NCBP1: variants seen among roughly 807,000 people sequenced by gnomAD.
NCBP1 encodes nuclear cap binding protein subunit 1, also known as nuclear cap-binding protein subunit 1.
NCBP1 carries 16 observed loss-of-function variants against 111.7 expected under a neutral mutation model. The observed-to-expected ratio is 0.14, with a 90% CI of 0.10 to 0.22. The LOEUF is 0.22. Among genes scored for constraint, NCBP1 ranks in the 10% least tolerant of loss-of-function variants. NCBP1 has a pLI of 1.00. For synonymous variants in NCBP1, 304 were observed against 314.3 expected (o/e 0.97, Z 0.35); for missense variants, 607 against 957.5 (o/e 0.63, Z 4.83).
chr9:97,657,926 A>ATTTT (rs57402675), intron 14 of NCBP1, among the ~76,000 whole-genome samples: 1 of 91,400 alleles, frequency 1.1e-5, no homozygotes, highest in African/African-American at 4.0e-5. Context: ...ATATATATAT[A>ATTTT]TTTTTTTTTT....
At chr9:97,664,788 T>C (rs1052181204) in intron 19 of NCBP1, among the ~76,000 whole-genome samples, 1 of 152,120 alleles carries the variant, frequency 6.6e-6, no homozygotes, top group South Asian at 2.1e-4. Context: ...GGGTTCCAGC[T>C]TCAGTGGGGA....
chr9:97,642,518 A>T (rs759716517), intron 3 of NCBP1, among the ~76,000 whole-genome samples: 1 of 152,130 alleles, frequency 6.6e-6, no homozygotes, highest in Non-Finnish European at 1.5e-5. Flanking sequence ...TGCCTAAATT[A>T]GGAAAAATTG....
chr9:97,634,137 A>G (rs748786758), intron 1 of NCBP1, among the ~76,000 whole-genome samples: 16 of 152,256 alleles, frequency 1.1e-4, no homozygotes, highest in Non-Finnish European at 2.1e-4. Context: ...TCCTCGGGAA[A>G]GAAGGCCTGG....
chr9:97,654,270 C>T (rs1212713614), intron 11 of NCBP1, among the ~76,000 whole-genome samples: 5 of 152,162 alleles, frequency 3.3e-5, no homozygotes, highest in Non-Finnish European at 7.4e-5. Flanking sequence ...TTCCCAAACC[C>T]TGCCACTGCT....
chr9:97,650,025 G>A (rs1827457015), intron 8 of NCBP1, among the ~76,000 whole-genome samples: 1 of 152,096 alleles, frequency 6.6e-6, no homozygotes, highest in Admixed American at 6.6e-5. Context: ...TGTTTGCTAT[G>A]AATATACTTA....
Position 97,668,826 on chromosome 9 carries a change from T to C in NCBP1, c.2017-20T>C, listed in dbSNP as rs200657867. 213 of 1,606,674 alleles carry C rather than the reference T, an allele frequency of 1.3e-4. No individual in the cohort carries two copies. In the African/African-American group the frequency reaches 2.6e-3, roughly 20 times the overall value. ...TGGAATCTAAATGGTATTTTCCTTT[T>C]GTTCATTTGCCTTCTATAGCGAAGT... On this transcript the variant is annotated intron_variant, in intron 20 of 22. Coordinates refer to ENST00000375147, the MANE Select transcript of NCBP1 (RefSeq NM_002486.5).
intron 11 of NCBP1, among the ~76,000 whole-genome samples, chr9:97,654,419 T>C (rs1827587013): frequency 6.6e-6 from 1 of 152,196 alleles, no homozygotes; most frequent in Admixed American, 6.5e-5. Context: ...AGTTTTATTA[T>C]GGGATTGCAG....
At chr9:97,647,824 AACAG>A (rs1461171988) in intron 7 of NCBP1, among the ~76,000 whole-genome samples, 180 bp from the exon 8 acceptor site, 1 of 152,258 alleles carries the variant, frequency 6.6e-6, no homozygotes, top group African/African-American at 2.4e-5. Context: ...AAAATGTCAA[AACAG>A]ACAGTTCCAA....
Position 97,668,843 on chromosome 9 carries a change from T to A in NCBP1, c.2017-3T>A. 6.2e-7 allele frequency: 1 copy of A among 1,610,232 alleles called. No homozygotes were observed. ...TTTCCTTTTGTTCATTTGCCTTCTATAGCGAAGTGATGATGACGACAGAAG... is the reference window on the plus strand; with the variant it reads ...TTTCCTTTTGTTCATTTGCCTTCTAAAGCGAAGTGATGATGACGACAGAAG... On this transcript the variant is annotated splice_region_variant and splice_polypyrimidine_tract_variant and intron_variant, in intron 20 of 22. Transcript: ENST00000375147.
rs1827819485 is a variant in NCBP1 at position 97,661,019 on chromosome 9, C to T, written c.1551C>T (p.Ile517=). 1 of 1,612,682 alleles carries T rather than the reference C, an allele frequency of 6.2e-7. No homozygotes were observed. The highest frequency in any genetic ancestry group is 1.3e-5 in the African/African-American group (1 of 74,896). ...AAAGTAAGGCAACCAATGATGAAAT[C>T]TTCAGCATTCTGAAAGATGTACCAA... ...AFKSKATNDE[I]FSILKDVPNP... Residue 517 remains isoleucine, a synonymous_variant, in exon 16 of 23, where the codon ATC becomes ATT. Coordinates refer to ENST00000375147, the MANE Select transcript of NCBP1 (RefSeq NM_002486.5).
At chr9:97,671,046 C>A in intron 22 of NCBP1, 40 bp from the exon 23 acceptor site, 3 of 1,368,914 alleles carry the variant, frequency 2.2e-6, no homozygotes, top group Non-Finnish European at 3.1e-6. Context: ...TGCTTATATG[C>A]TTTTTCCTGA....
intron 11 of NCBP1, 110 bp from the exon 12 acceptor site, chr9:97,654,770 C>A (rs1278064353): frequency 4.2e-6 from 4 of 941,444 alleles, no homozygotes; most frequent in East Asian, 2.6e-5. Context: ...AAAAGATGTT[C>A]AGCATTATTA....
chr9:97,660,577 C>T (rs1431724095), intron 15 of NCBP1, among the ~76,000 whole-genome samples: 6 of 152,138 alleles, frequency 3.9e-5, no homozygotes, highest in Non-Finnish European at 7.3e-5. Context: ...AAGAGAAGTA[C>T]GTTGGTTCTG....
intron 15 of NCBP1, among the ~76,000 whole-genome samples, chr9:97,659,545 C>T (rs1827772315): frequency 6.6e-6 from 1 of 152,180 alleles, no homozygotes; most frequent in Admixed American, 6.5e-5. Flanking sequence ...ATCAAAACTA[C>T]AATGAGGAAA....
At chr9:97,645,541 AAG>A in intron 5 of NCBP1, 68 bp from the exon 6 acceptor site, 2 of 1,484,402 alleles carry the variant, frequency 1.3e-6, no homozygotes, top group Non-Finnish European at 1.8e-6. Flanking sequence ...GATTTCATTC[AAG>A]AATAAATAAA....
At chr9:97,664,778 G>A (rs1406809911) in intron 19 of NCBP1, among the ~76,000 whole-genome samples, 1 of 152,200 alleles carries the variant, frequency 6.6e-6, no homozygotes, top group Non-Finnish European at 1.5e-5. Context: ...AACTCGGGAA[G>A]GGTTCCAGCT....
chr9:97,670,024 G>C, intron 22 of NCBP1: 1 of 386,076 alleles, frequency 2.6e-6, no homozygotes, highest in Non-Finnish European at 4.9e-6. Flanking sequence ...CTAGGTTTAA[G>C]CAATTCTTCT....
intron 10 of NCBP1, among the ~76,000 whole-genome samples, chr9:97,652,049 G>A (rs1827511189): frequency 6.6e-6 from 1 of 152,130 alleles, no homozygotes; most frequent in Non-Finnish European, 1.5e-5. Flanking sequence ...TGTCGCCCAG[G>A]CTGGAGGGCA....
chr9:97,644,150 A>G (rs1045808603), intron 4 of NCBP1, among the ~76,000 whole-genome samples: 5 of 152,326 alleles, frequency 3.3e-5, no homozygotes, highest in African/African-American at 1.2e-4. Context: ...ATACATATGT[A>G]TGTGTTGAAG....
Sources: allele counts gnomAD v4.1 joint callset (sites outside exome capture counted in the v4.1 genomes callset), GRCh38; gene constraint gnomAD v4.1.1; transcripts MANE v1.5; gene names NCBI Gene and HGNC (gene_info 2026-07-23, HGNC 2026-07-21).